CPLANE1: variants seen among roughly 807,000 people sequenced by gnomAD.
CPLANE1 encodes the protein ciliogenesis and planar polarity effector complex subunit 1.
Under a neutral mutation model 362.5 loss-of-function variants are expected in CPLANE1, and 263 were observed. The ratio of observed to expected loss-of-function variants is 0.73; its 90% CI spans 0.66 to 0.80. The LOEUF is 0.80. Among genes scored for constraint, CPLANE1 ranks in the 30% least tolerant of loss-of-function variants. The probability of loss-of-function intolerance (pLI) is 0.00; values close to 1 mark genes in which losing one functional copy is unlikely to be tolerated. For synonymous variants in CPLANE1, 1,212 were observed against 1,302.6 expected, an observed-to-expected ratio of 0.93 and a Z score of 1.50; for missense variants, 3,461 against 3,793.4, an observed-to-expected ratio of 0.91 and a Z score of 2.30.
At chr5:37,207,301 C>T (rs1791036463) in intron 16 of CPLANE1, among the ~76,000 whole-genome samples, 1 of 152,186 alleles carries the variant, frequency 6.6e-6, no homozygotes, top group Non-Finnish European at 1.5e-5. Flanking sequence ...GCTATGCCTA[C>T]TGCAAGAACT....
chr5:37,186,929 C>T (rs905552229), intron 23 of CPLANE1, among the ~76,000 whole-genome samples: 4 of 151,948 alleles, frequency 2.6e-5, no homozygotes, highest in African/African-American at 4.8e-5. Flanking sequence ...GGCGTGTTGG[C>T]GGGAGCCTGT....
chr5:37,116,363 G>A (rs1303937531), intron 50 of CPLANE1, among the ~76,000 whole-genome samples: 1 of 151,922 alleles, frequency 6.6e-6, no homozygotes, highest in African/African-American at 2.4e-5. Flanking sequence ...GTGCAAGCCT[G>A]TAGTCCCCGT....
At chr5:37,159,368 C>T (rs1430085090) in intron 38 of CPLANE1, among the ~76,000 whole-genome samples, 3 of 152,068 alleles carry the variant, frequency 2.0e-5, no homozygotes, top group African/African-American at 7.2e-5. Flanking sequence ...GCCTCGGCCT[C>T]CCAAAGTGCT....
chr5:37,242,150 T>A (rs1358299020), intron 6 of CPLANE1, among the ~76,000 whole-genome samples: 4 of 151,670 alleles, frequency 2.6e-5, no homozygotes, highest in Non-Finnish European at 1.5e-5. Flanking sequence ...GGTCAGTAGT[T>A]CAAGACCACC....
chr5:37,099,846 T>C, the CPLANE1 span, among the ~76,000 whole-genome samples: 5 of 152,192 alleles, frequency 3.3e-5, no homozygotes, highest in African/African-American at 1.2e-4. Context: ...TGGTTTTAAT[T>C]TGCATTTCTC....
chr5:37,158,639 T>A (rs923095163), intron 38 of CPLANE1, among the ~76,000 whole-genome samples: 1 of 152,184 alleles, frequency 6.6e-6, no homozygotes, highest in African/African-American at 2.4e-5. Flanking sequence ...TATTTCCGTA[T>A]CAGATATAGT....
At position 37,198,566 on chromosome 5, in the gene CPLANE1, G is replaced by C. The variant is rs912442604; in HGVS notation, c.3672+136C>G. 7 of 836,076 alleles carry C rather than the reference G, an allele frequency of 8.4e-6. No individual in the cohort carries two copies. The East Asian group carries it at 1.4e-4, about 16-fold the overall frequency. 51.8% of individuals were successfully genotyped at this position (836,076 alleles called of 1,614,324 possible). On this transcript the variant is annotated intron_variant, in intron 20 of 52. Coordinates refer to ENST00000651892, the MANE Select transcript of CPLANE1 (RefSeq NM_001384732.1). The stretch of plus-strand genomic sequence containing the variant: ...TCAACAGGAAGAATCTGGTCTGTTT[G>C]TTTATGAATAAATCTGAAATTTGTG...
chr5:37,116,194 G>A (rs1425169023), intron 50 of CPLANE1, among the ~76,000 whole-genome samples: 1 of 151,816 alleles, frequency 6.6e-6, no homozygotes, highest in Non-Finnish European at 1.5e-5. Context: ...AGGCTGAGAT[G>A]TCTCACACTA....
At chr5:37,242,265 A>G (rs1286511830) in intron 6 of CPLANE1, among the ~76,000 whole-genome samples, 4 of 151,962 alleles carry the variant, frequency 2.6e-5, no homozygotes, top group East Asian at 3.9e-4. Flanking sequence ...GAGGCAGGAG[A>G]ATCACTTGAA....
At chr5:37,105,367 T>C (rs1356690996), downstream of CPLANE1, among the ~76,000 whole-genome samples, 1 of 152,098 alleles carries the variant, frequency 6.6e-6, no homozygotes, top group East Asian at 1.9e-4. Context: ...AATAAATCCA[T>C]GCATTTACAG....
At chr5:37,124,781 T>G (rs1763699262) in intron 47 of CPLANE1, 2 of 544,102 alleles carry the variant, frequency 3.7e-6, no homozygotes, top group South Asian at 1.6e-4. Flanking sequence ...TCTCAACTCT[T>G]GGTCACAAGT....
chr5:37,213,356 T>C (rs1434864928), intron 16 of CPLANE1, among the ~76,000 whole-genome samples: 33 of 152,232 alleles, frequency 2.2e-4, no homozygotes, highest in Admixed American at 2.2e-3. Flanking sequence ...TTTTGTGATT[T>C]TAAAAAGCCA....
At chr5:37,208,667 A>G (rs1580745561) in intron 16 of CPLANE1, among the ~76,000 whole-genome samples, 1 of 133,682 alleles carries the variant, frequency 7.5e-6, no homozygotes, top group Non-Finnish European at 1.6e-5. Flanking sequence ...ATAGAGCAAG[A>G]CTCTGTCTCC....
chr5:37,215,820 AT>A (rs1193764383), intron 15 of CPLANE1, among the ~76,000 whole-genome samples: 6 of 141,944 alleles, frequency 4.2e-5, no homozygotes, highest in East Asian at 2.1e-4. Flanking sequence ...CTGATATAAG[AT>A]TTTTTTCTTT....
At chr5:37,240,079 C>T (rs1047736734) in intron 6 of CPLANE1, among the ~76,000 whole-genome samples, 3 of 152,040 alleles carry the variant, frequency 2.0e-5, no homozygotes, top group Non-Finnish European at 4.4e-5. Context: ...TGGCTGGGCA[C>T]GGTAGCTCAC....
At chr5:37,160,491 C>T (rs997924652) in intron 38 of CPLANE1, among the ~76,000 whole-genome samples, 4 of 150,618 alleles carry the variant, frequency 2.7e-5, no homozygotes, top group African/African-American at 9.8e-5. Flanking sequence ...ACCTGGCAGG[C>T]GGAGGCAATC....
At chr5:37,188,250 A>G (rs1477108076) in intron 21 of CPLANE1, among the ~76,000 whole-genome samples, 7 of 152,194 alleles carry the variant, frequency 4.6e-5, no homozygotes, top group Non-Finnish European at 7.3e-5. Flanking sequence ...ATGGTGTTCC[A>G]TTGTATGGAG....
At chr5:37,145,128 A>G (rs1003145340) in intron 43 of CPLANE1, among the ~76,000 whole-genome samples, 2 of 151,968 alleles carry the variant, frequency 1.3e-5, no homozygotes, top group Non-Finnish European at 2.9e-5. Flanking sequence ...ACATGGTGAA[A>G]CCCCATCTCT....
intron 34 of CPLANE1, 117 bp from the exon 35 acceptor site, chr5:37,167,330 C>T (rs1778527371): frequency 2.6e-6 from 2 of 763,858 alleles, no homozygotes; most frequent in Non-Finnish European, 4.1e-6. Context: ...ACAGTTAGAA[C>T]AAATCAAATA....
Sources: gnomAD v4.1 joint callset for allele counts (sites outside exome capture counted in the v4.1 genomes callset) on GRCh38, gnomAD v4.1.1 for gene constraint, MANE v1.5 for transcripts, NCBI Gene and HGNC (gene_info 2026-07-23, HGNC 2026-07-21) for gene names.